The following ANKRD30B variants were observed in gnomAD, a reference collection of about 807,000 sequenced individuals.
The protein encoded by ANKRD30B is ankyrin repeat domain-containing protein 30B.
Under a neutral mutation model 202.2 loss-of-function variants are expected in ANKRD30B, and 144 were observed. The observed-to-expected ratio is 0.71, with a 90% CI of 0.62 to 0.82. The LOEUF (loss-of-function observed/expected upper bound fraction) is 0.82, where lower values mean the gene tolerates loss of function less well. Among genes scored for constraint, ANKRD30B ranks in the 40% least tolerant of loss-of-function variants. The pLI is 0.00. For missense variants in ANKRD30B, 1,487 were observed against 1,669.1 expected (o/e 0.89, Z 1.90); for synonymous variants, 508 against 561.3 (o/e 0.91, Z 1.34).
At chr18:14,892,460 T>G in the ANKRD30B span, among the ~76,000 whole-genome samples, 2 of 152,090 alleles carry the variant, frequency 1.3e-5, no homozygotes, top group Non-Finnish European at 2.9e-5. Context: ...AGGTGATGGC[T>G]GGATGTGGTA....
At chr18:14,926,588 A>C in the ANKRD30B span, among the ~76,000 whole-genome samples, 1,784 of 152,308 alleles carry the variant, frequency 0.012, 26 homozygotes, top group African/African-American at 0.041. Flanking sequence ...TAATATTTGA[A>C]TTTTTTAAGT....
chr18:14,918,088 G>A, the ANKRD30B span, among the ~76,000 whole-genome samples: 1 of 152,090 alleles, frequency 6.6e-6, no homozygotes, highest in Non-Finnish European at 1.5e-5. Flanking sequence ...AGAAGGGTAG[G>A]GGAAGGACTC....
chr18:14,769,117 G>T (rs751248977), intron 7 of ANKRD30B, among the ~76,000 whole-genome samples: 2 of 152,082 alleles, frequency 1.3e-5, no homozygotes, highest in Non-Finnish European at 1.5e-5. Context: ...ACAAGATCTG[G>T]ATCATGCACG....
chr18:14,928,416 T>C, the ANKRD30B span, among the ~76,000 whole-genome samples: 2 of 152,206 alleles, frequency 1.3e-5, no homozygotes, highest in African/African-American at 2.4e-5. Context: ...GAAGATTGCC[T>C]TTCCCGATGT....
At chr18:14,910,355 A>C in the ANKRD30B span, among the ~76,000 whole-genome samples, 6 of 152,038 alleles carry the variant, frequency 3.9e-5, no homozygotes, top group African/African-American at 1.2e-4. Flanking sequence ...CTCCTTCTGA[A>C]TTACTTCACT....
intron 26 of ANKRD30B, 59 bp from the exon 27 acceptor site, chr18:14,809,927 A>C: frequency 7.5e-7 from 1 of 1,331,320 alleles, no homozygotes; most frequent in South Asian, 1.2e-5. Flanking sequence ...CTCTATGAAC[A>C]TTTGGTAGGC....
intron 9 of ANKRD30B, 30 bp downstream of exon 9, chr18:14,772,258 C>T (rs1193398257): frequency 7.3e-7 from 1 of 1,370,174 alleles, no homozygotes; most frequent in Non-Finnish European, 9.9e-7. Context: ...AGTTGATTTT[C>T]TCAGTTGCAA....
At chr18:14,854,976 G>C (rs1222359248), downstream of ANKRD30B, among the ~76,000 whole-genome samples, 1 of 152,002 alleles carries the variant, frequency 6.6e-6, no homozygotes, top group Non-Finnish European at 1.5e-5. Flanking sequence ...CAGGGTCATA[G>C]GATAATAGTG....
intron 3 of ANKRD30B, among the ~76,000 whole-genome samples, chr18:14,753,271 G>GT (rs900918635): frequency 1.2e-4 from 18 of 151,286 alleles, no homozygotes; most frequent in Admixed American, 2.6e-4. Flanking sequence ...CCTACCCAAG[G>GT]TTTTTTTTTC....
At chr18:14,911,962 A>C in the ANKRD30B span, among the ~76,000 whole-genome samples, 1 of 152,188 alleles carries the variant, frequency 6.6e-6, no homozygotes, top group Admixed American at 6.5e-5. Context: ...AATTATGTAC[A>C]TTAATTTTGT....
chr18:14,816,739 T>C (rs2144087568), intron 30 of ANKRD30B: 1 of 151,892 alleles, frequency 6.6e-6, no homozygotes, highest in East Asian at 1.9e-4. Flanking sequence ...TAGACTGGAT[T>C]AAGAAAGTAT....
intron 32 of ANKRD30B, 122 bp downstream of exon 32, chr18:14,822,799 A>T: frequency 7.7e-7 from 1 of 1,290,578 alleles, no homozygotes; most frequent in East Asian, 2.8e-5. Flanking sequence ...ATTTGACACA[A>T]ATAATGCCAA....
At chr18:14,874,878 G>A in the ANKRD30B span, among the ~76,000 whole-genome samples, 8 of 152,246 alleles carry the variant, frequency 5.3e-5, no homozygotes, top group Non-Finnish European at 7.4e-5. Context: ...TTTGTTTTAC[G>A]CATTCCAAGA....
intron 7 of ANKRD30B, among the ~76,000 whole-genome samples, chr18:14,766,334 G>A (rs1466117567): frequency 4.0e-5 from 6 of 151,622 alleles, no homozygotes; most frequent in African/African-American, 1.5e-4. Context: ...TTAGCTGGGC[G>A]TGGTGGTAGG....
intron 16 of ANKRD30B, 36 bp downstream of exon 16, chr18:14,791,527 C>A: frequency 1.3e-6 from 2 of 1,504,314 alleles, no homozygotes; most frequent in Non-Finnish European, 1.8e-6. Context: ...GTCATTTGAC[C>A]AAATATTTAT....
intron 5 of ANKRD30B, among the ~76,000 whole-genome samples, chr18:14,759,924 TAG>T (rs760242581): frequency 6.6e-6 from 1 of 152,202 alleles, no homozygotes; most frequent in Non-Finnish European, 1.5e-5. Context: ...TTATTTTTTG[TAG>T]AGACAGGGTC....
intron 4 of ANKRD30B, among the ~76,000 whole-genome samples, chr18:14,757,591 G>T (rs984562066): frequency 1.3e-5 from 2 of 152,006 alleles, no homozygotes; most frequent in African/African-American, 4.8e-5. Flanking sequence ...ATAATTCCTT[G>T]CCCCTCAAGG....
chr18:14,754,273 A>G (rs936824582), intron 3 of ANKRD30B, among the ~76,000 whole-genome samples: 4 of 152,142 alleles, frequency 2.6e-5, no homozygotes, highest in Non-Finnish European at 5.9e-5. Context: ...GGAAACCTCC[A>G]TTTTTCTTGG....
At chr18:14,935,548 G>A in the ANKRD30B span, among the ~76,000 whole-genome samples, 3 of 152,230 alleles carry the variant, frequency 2.0e-5, no homozygotes, top group Non-Finnish European at 1.5e-5. Context: ...CTGCTGTGGT[G>A]TGACAGGTTT....
Sources: gnomAD v4.1 joint callset for allele counts (sites outside exome capture counted in the v4.1 genomes callset) on GRCh38, gnomAD v4.1.1 for gene constraint, MANE v1.5 for transcripts, NCBI Gene and HGNC (gene_info 2026-07-23, HGNC 2026-07-21) for gene names.